Variants in VPS13B observed in about 807,000 individuals in gnomAD.
The protein encoded by VPS13B is intermembrane lipid transfer protein VPS13B.
Under a neutral mutation model 426.4 loss-of-function variants are expected in VPS13B, and 285 were observed. The ratio of observed to expected loss-of-function variants is 0.67; its 90% CI spans 0.61 to 0.74. VPS13B has a LOEUF of 0.74. Ranked by LOEUF, VPS13B falls within the 30% of genes least tolerant of loss-of-function variation. The probability of loss-of-function intolerance (pLI) is 0.00; values close to 1 mark genes in which losing one functional copy is unlikely to be tolerated. For synonymous variants in VPS13B, 1,676 were observed against 1,676.4 expected, an observed-to-expected ratio of 1.00 and a Z score of 0.01; for missense variants, 4,537 against 4,782.6, an observed-to-expected ratio of 0.95 and a Z score of 1.51.
At chr8:99,716,219 T>C (rs1832914948) in intron 36 of VPS13B, among the ~76,000 whole-genome samples, 1 of 152,190 alleles carries the variant, frequency 6.6e-6, no homozygotes, top group Non-Finnish European at 1.5e-5. Context: ...ATACAACATA[T>C]ATGAAATTTT....
chr8:99,228,332 A>G (rs559817601), intron 17 of VPS13B, among the ~76,000 whole-genome samples: 1 of 152,168 alleles, frequency 6.6e-6, no homozygotes, highest in Non-Finnish European at 1.5e-5. Context: ...GACAGGTTAT[A>G]TGAAGTTGAA....
At position 99,252,112 on chromosome 8, in the gene VPS13B, CT is replaced by C. The variant is rs902457632; in HGVS notation, c.2516-22083del. Among the ~76,000 whole-genome samples, 36 of 151,336 alleles carry C rather than the reference CT, an allele frequency of 2.4e-4. 1 individual carries two copies. Among genetic ancestry groups the C allele is most frequent in the Admixed American group, 2.1e-3 (32 of 15,250 alleles). On this transcript the variant is annotated intron_variant, in intron 17 of 61. Transcript: ENST00000357162. ...CTTTGTTATTTTTTGTCCATGCTTACTTTGGTTTTATTTTGCTTTCCATGTT... is the reference window on the plus strand; with the variant it reads ...CTTTGTTATTTTTTGTCCATGCTTACTTGGTTTTATTTTGCTTTCCATGTT...
At chr8:99,128,935 C>G (rs1417340322) in intron 8 of VPS13B, among the ~76,000 whole-genome samples, 2 of 151,684 alleles carry the variant, frequency 1.3e-5, no homozygotes, top group Non-Finnish European at 2.9e-5. Context: ...GTCAGGAGTT[C>G]AAGACCAGCC....
intron 19 of VPS13B, among the ~76,000 whole-genome samples, chr8:99,308,659 T>C (rs1820776975): frequency 6.6e-6 from 1 of 152,196 alleles, no homozygotes; most frequent in African/African-American, 2.4e-5. Context: ...TGTGTCTTTA[T>C]AGCAGCATGA....
intron 61 of VPS13B, among the ~76,000 whole-genome samples, chr8:99,872,649 A>G (rs1817485434): frequency 1.3e-5 from 2 of 152,332 alleles, no homozygotes; most frequent in South Asian, 2.1e-4. Context: ...TACCTAAATA[A>G]TAGACATCTT....
chr8:99,707,381 A>T (rs1259938887), intron 36 of VPS13B, among the ~76,000 whole-genome samples: 1 of 152,174 alleles, frequency 6.6e-6, no homozygotes, highest in Non-Finnish European at 1.5e-5. Flanking sequence ...TTAAGTGCTC[A>T]GTAAATATTG....
intron 5 of VPS13B, 95 bp from the exon 6 acceptor site, chr8:99,111,000 GTTA>G (rs1362087441): frequency 2.4e-5 from 22 of 919,710 alleles, no homozygotes; most frequent in South Asian, 8.2e-5. Flanking sequence ...CTTATTTTCT[GTTA>G]TTATTAATTT....
intron 6 of VPS13B, among the ~76,000 whole-genome samples, chr8:99,113,805 C>T (rs1354312901): frequency 2.0e-5 from 3 of 152,128 alleles, no homozygotes; most frequent in Non-Finnish European, 2.9e-5. Flanking sequence ...CCTCATGATC[C>T]GCCTGGCTCA....
At chr8:99,515,183 T>C (rs944064704) in intron 29 of VPS13B, among the ~76,000 whole-genome samples, 1 of 152,228 alleles carries the variant, frequency 6.6e-6, no homozygotes, top group Non-Finnish European at 1.5e-5. Flanking sequence ...AACTTTATTT[T>C]CTGTGGGGCT....
rs1814761017 is a variant in VPS13B, at chr8:99,206,899, G to A, written c.2515+13842G>A. On this transcript the variant is annotated intron_variant, in intron 17 of 61. Transcript: ENST00000357162. ...AATGTGTTCTAAGATATATATTTTT[G>A]AGATGTTATAAAATTTTCTTGCCAG... Among the ~76,000 whole-genome samples, 73 of 124,242 alleles carry A rather than the reference G, an allele frequency of 5.9e-4. 2 individuals are homozygous for A. Among genetic ancestry groups the A allele is most frequent in the Admixed American group, 5.5e-3 (71 of 12,804 alleles). 81.5% of individuals were successfully genotyped at this position (124,242 alleles called of 152,430 possible).
intron 2 of VPS13B, among the ~76,000 whole-genome samples, chr8:99,021,405 G>A (rs1448014246): frequency 2.0e-5 from 3 of 152,034 alleles, no homozygotes; most frequent in African/African-American, 4.8e-5. Flanking sequence ...GGTGGATCAC[G>A]ATGTCAGGAG....
At chr8:99,838,906 C>T (rs189360447) in intron 54 of VPS13B, among the ~76,000 whole-genome samples, 1 of 152,320 alleles carries the variant, frequency 6.6e-6, no homozygotes, top group East Asian at 1.9e-4. Flanking sequence ...TCAGAGGGCA[C>T]GTGGTCCTTT....
In VPS13B at chr8:99,853,584, G is replaced by T. The variant is rs1162910688; in HGVS notation, c.10195G>T (p.Ala3399Ser). 1.9e-6 allele frequency: 3 copies of T among 1,614,022 alleles called. No homozygotes were observed. The highest frequency in any genetic ancestry group is 2.7e-5 in the African/African-American group (2 of 74,884). ...LTLDNIFLCVAPGAGPLPGEE... is the reference protein window; with the variant it reads ...LTLDNIFLCVSPGAGPLPGEE... ...ACTGGACAACATTTTTCTCTGTGTG[G>T]CCCCGGGAGCTGGTCCCCTCCCTGG... Residue 3399 changes from alanine (A) to serine (S), a missense_variant, in exon 56 of 62, where the codon GCC becomes TCC. Ala to Ser is a moderately conservative substitution (Grantham distance 99). This residue lies in a region of VPS13B where 4,311 missense variants were observed against 4,474.3 expected (regional missense o/e 0.96). Coordinates refer to ENST00000357162, the MANE Select transcript of VPS13B (RefSeq NM_152564.5).
At chr8:99,603,868 T>C (rs1027604675) in intron 33 of VPS13B, among the ~76,000 whole-genome samples, 1 of 152,192 alleles carries the variant, frequency 6.6e-6, no homozygotes, top group Non-Finnish European at 1.5e-5. Context: ...TGTAAGGCCA[T>C]CTATTAAGGA....
intron 39 of VPS13B, among the ~76,000 whole-genome samples, chr8:99,730,705 A>T: frequency 6.9e-6 from 1 of 145,386 alleles, no homozygotes; most frequent in East Asian, 1.9e-4. Flanking sequence ...ACCTCCTGAA[A>T]GGTACCTGTA....
intron 43 of VPS13B, among the ~76,000 whole-genome samples, chr8:99,802,128 C>A (rs902110130): frequency 2.7e-5 from 4 of 145,848 alleles, no homozygotes; most frequent in South Asian, 2.2e-4. Context: ...CAAGTCTGGG[C>A]AATAAAGGGA....
At chr8:99,471,582 A>G (rs908590548) in intron 24 of VPS13B, among the ~76,000 whole-genome samples, 3 of 152,198 alleles carry the variant, frequency 2.0e-5, no homozygotes, top group Non-Finnish European at 4.4e-5. Context: ...CAAAGAAGCC[A>G]AAAGAAGATG....
intron 39 of VPS13B, among the ~76,000 whole-genome samples, chr8:99,732,311 AG>A: frequency 6.6e-6 from 1 of 152,286 alleles, no homozygotes; most frequent in South Asian, 2.1e-4. Flanking sequence ...TGCCATCCCC[AG>A]CACCCTTTCC....
intron 21 of VPS13B, among the ~76,000 whole-genome samples, chr8:99,401,566 T>TAAA (rs2133336176): frequency 6.6e-6 from 1 of 152,160 alleles, no homozygotes; most frequent in Non-Finnish European, 1.5e-5. Context: ...TCTACTGTAT[T>TAAA]AAATATTAAT....
Sources: gnomAD v4.1 joint callset for allele counts (sites outside exome capture counted in the v4.1 genomes callset) on GRCh38, gnomAD v4.1.1 for gene constraint, gnomAD v4.1.1 regional missense constraint, MANE v1.5 for transcripts, NCBI Gene and HGNC (gene_info 2026-07-23, HGNC 2026-07-21) for gene names.